The following STX18 variants were observed in gnomAD, a reference collection of about 807,000 sequenced individuals.
STX18 encodes syntaxin 18.
A neutral mutation model predicts 50.1 loss-of-function variants in STX18; 40 were observed. The observed-to-expected ratio is 0.80, with a 90% confidence interval of 0.62 to 1.04. The LOEUF (loss-of-function observed/expected upper bound fraction) is 1.04. STX18 is among the 50% of genes least tolerant of loss of function. STX18 has a pLI of 0.00. For missense variants in STX18, 410 were observed against 415.8 expected (o/e 0.99, Z 0.12); for synonymous variants, 158 against 151.8 (o/e 1.04, Z -0.30).
At chr4:4,534,458 A>G (rs141855069) in intron 1 of STX18, among the ~76,000 whole-genome samples, 3 of 152,292 alleles carry the variant, frequency 2.0e-5, no homozygotes, top group African/African-American at 7.2e-5. Flanking sequence ...AAGTTTTACT[A>G]AGTTTGTTGA....
At chr4:4,503,268 T>C (rs1404243787) in intron 1 of STX18, among the ~76,000 whole-genome samples, 1 of 152,188 alleles carries the variant, frequency 6.6e-6, no homozygotes, top group African/African-American at 2.4e-5. Context: ...AGAATGAAAT[T>C]GATATTAAAC....
Position 4,523,795 on chromosome 4 carries a change from C to T in STX18, c.168+18002G>A, listed in dbSNP as rs531483549. ...AGAATGATCTTTCTCAAATACATAC[C>T]TAACCACATTAGTCCCCTACTGAAA... On this transcript the variant is annotated intron_variant, in intron 1 of 10. Transcript: ENST00000306200. Among the ~76,000 whole-genome samples the T allele has an allele frequency of 5.3e-5, 8 of 152,312 alleles. No individual in the cohort carries two copies. The East Asian group carries it at 1.5e-3, about 29-fold the overall frequency.
At chr4:4,456,580 C>T (rs988647994) in intron 5 of STX18, among the ~76,000 whole-genome samples, 2 of 152,164 alleles carry the variant, frequency 1.3e-5, no homozygotes, top group African/African-American at 2.4e-5. Flanking sequence ...GGAGCGTCAG[C>T]GTCCTTACCT....
chr4:4,420,646 G>C lies in STX18; in HGVS notation c.912+218C>G. The C allele has an allele frequency of 1.8e-6, 1 of 565,102 alleles. No individual in the cohort carries two copies. Among genetic ancestry groups the C allele is most frequent in the Non-Finnish European group, 3.1e-6 (1 of 318,628 alleles). 35.0% of individuals were successfully genotyped at this position (565,102 alleles called of 1,614,324 possible). Reference sequence around the variant, plus strand: ...CCACCCACCCTGGATTGCTCCTTTGGAGGCTGGTGAGCCACTGCCTCTCGA... The same window carrying C: ...CCACCCACCCTGGATTGCTCCTTTGCAGGCTGGTGAGCCACTGCCTCTCGA... On this transcript the variant is annotated intron_variant, in intron 10 of 10. Coordinates refer to ENST00000306200, the MANE Select transcript of STX18 (RefSeq NM_016930.4). This position sits in a 1 kb window ranked among gnomAD's most constrained non-coding sequence, Gnocchi z 4.3.
intron 1 of STX18, chr4:4,481,714 T>C (rs1285611557): frequency 6.6e-6 from 1 of 152,198 alleles, no homozygotes; most frequent in Non-Finnish European, 1.5e-5. Flanking sequence ...AGTTCAGAAC[T>C]AACACACCTC....
At chr4:4,542,284 G>A, upstream of STX18, 1 of 251,626 alleles carries the variant, frequency 4.0e-6, no homozygotes, top group East Asian at 7.8e-5. Context: ...TGTGGGCTCC[G>A]GGAGCGTGAG....
intron 1 of STX18, among the ~76,000 whole-genome samples, chr4:4,502,408 A>C (rs1424028560): frequency 6.6e-5 from 10 of 152,230 alleles, no homozygotes; most frequent in Non-Finnish European, 1.3e-4. Flanking sequence ...GGAGTCAATA[A>C]AAACTGTCCT....
chr4:4,461,278 A>C (rs1727365060), intron 2 of STX18, among the ~76,000 whole-genome samples: 1 of 152,220 alleles, frequency 6.6e-6, no homozygotes, highest in South Asian at 2.1e-4. Context: ...AACAACAGAA[A>C]CCAAGGAAGT....
intron 1 of STX18, among the ~76,000 whole-genome samples, chr4:4,500,980 T>G (rs1729427620): frequency 6.6e-6 from 1 of 152,150 alleles, no homozygotes; most frequent in Admixed American, 6.5e-5. Context: ...GAGGTAGCAG[T>G]GAGCCGAGAT....
In STX18 at chr4:4,420,571, A is replaced by G. The variant is rs904526053; in HGVS notation, c.912+293T>C. 5 of 457,262 alleles carry G rather than the reference A, an allele frequency of 1.1e-5. No individual in the cohort carries two copies. The highest frequency in any genetic ancestry group is 2.0e-5 in the Non-Finnish European group (5 of 255,888). 28.3% of individuals were successfully genotyped at this position (457,262 alleles called of 1,614,324 possible). A position where few individuals can be genotyped will look rare whatever the true frequency, so the allele number is the denominator to read the frequency against. ...CTCGGTGGGGGCCAACGAGCTACCCATGTACATCCCTGGACATGAAGAGCT... is the reference window on the plus strand; with the variant it reads ...CTCGGTGGGGGCCAACGAGCTACCCGTGTACATCCCTGGACATGAAGAGCT... On this transcript the variant is annotated intron_variant, in intron 10 of 10. Transcript: ENST00000306200. This position sits in a 1 kb window ranked among gnomAD's most constrained non-coding sequence, Gnocchi z 4.3.
At chr4:4,458,880 C>T (rs1727219311) in intron 3 of STX18, among the ~76,000 whole-genome samples, 1 of 152,184 alleles carries the variant, frequency 6.6e-6, no homozygotes, top group African/African-American at 2.4e-5. Flanking sequence ...GCTCCAGAGC[C>T]TTCCTCCTAA....
intron 1 of STX18, among the ~76,000 whole-genome samples, chr4:4,486,186 G>A (rs754731153): frequency 6.6e-6 from 1 of 152,148 alleles, no homozygotes; most frequent in Non-Finnish European, 1.5e-5. Context: ...CAATTTGAAA[G>A]CTCCTACCAC....
chr4:4,503,751 A>T (rs567129077), intron 1 of STX18, among the ~76,000 whole-genome samples: 1 of 152,300 alleles, frequency 6.6e-6, no homozygotes, highest in East Asian at 1.9e-4. Flanking sequence ...AAGGAGGAAA[A>T]GGTTGTAAAA....
chr4:4,504,907 A>G (rs1018392964), intron 1 of STX18, among the ~76,000 whole-genome samples: 1 of 152,234 alleles, frequency 6.6e-6, no homozygotes, highest in African/African-American at 2.4e-5. Context: ...TTAAAAAAAA[A>G]ATAGTAGCCT....
intron 7 of STX18, 131 bp from the exon 8 acceptor site, chr4:4,425,353 G>A: frequency 3.8e-6 from 3 of 781,532 alleles, no homozygotes; most frequent in Middle Eastern, 2.3e-4. Flanking sequence ...GTGGCAGCCG[G>A]TGCTGGACGA....
At chr4:4,487,591 G>A (rs571467039) in intron 1 of STX18, among the ~76,000 whole-genome samples, 47 of 152,266 alleles carry the variant, frequency 3.1e-4, no homozygotes, top group African/African-American at 9.1e-4. Flanking sequence ...TGGGCTCTCC[G>A]AGGATAAAAC....
chr4:4,511,107 C>A (rs1326918429), intron 1 of STX18, among the ~76,000 whole-genome samples: 1 of 152,138 alleles, frequency 6.6e-6, no homozygotes, highest in East Asian at 1.9e-4. Flanking sequence ...ACCACCATGG[C>A]ACATGTATAC....
At chr4:4,484,937 G>C (rs1728635418) in intron 1 of STX18, among the ~76,000 whole-genome samples, 1 of 152,210 alleles carries the variant, frequency 6.6e-6, no homozygotes, top group Admixed American at 6.5e-5. Flanking sequence ...GAAGGGAGGA[G>C]GGAGAACAGA....
At chr4:4,533,616 G>A (rs1286527556) in intron 1 of STX18, among the ~76,000 whole-genome samples, 3 of 152,168 alleles carry the variant, frequency 2.0e-5, no homozygotes, top group East Asian at 3.8e-4. Flanking sequence ...ACAAGTTGAC[G>A]TGAGCTTGGC....
Sources: allele counts gnomAD v4.1 joint callset (sites outside exome capture counted in the v4.1 genomes callset), GRCh38; gene constraint gnomAD v4.1.1; non-coding constraint Gnocchi (gnomAD v3.1); transcripts MANE v1.5; gene names NCBI Gene and HGNC (gene_info 2026-07-23, HGNC 2026-07-21).